The following STXBP5L variants were observed in gnomAD, a reference collection of about 807,000 sequenced individuals.
STXBP5L encodes syntaxin binding protein 5L.
Under a neutral mutation model 144.5 loss-of-function variants are expected in STXBP5L, and 65 were observed. The observed-to-expected ratio is 0.45, with a 90% confidence interval of 0.37 to 0.55. STXBP5L has a LOEUF of 0.55. Ranked by LOEUF, STXBP5L falls within the 20% of genes least tolerant of loss-of-function variation. STXBP5L has a pLI of 0.00. For missense variants in STXBP5L, 1,298 were observed against 1,405.5 expected (o/e 0.92, Z 1.22); for synonymous variants, 505 against 469.6 (o/e 1.08, Z -0.97).
chr3:121,299,866 A>C (rs1419704419), intron 19 of STXBP5L, among the ~76,000 whole-genome samples: 1 of 151,592 alleles, frequency 6.6e-6, no homozygotes, highest in Non-Finnish European at 1.5e-5. Context: ...CTGTGGTCCC[A>C]GCTACTTGCA....
At chr3:121,381,698 T>C (rs1021715574) in intron 22 of STXBP5L, among the ~76,000 whole-genome samples, 166 bp downstream of exon 22, 1 of 152,194 alleles carries the variant, frequency 6.6e-6, no homozygotes, top group Non-Finnish European at 1.5e-5. Flanking sequence ...ACATCTGTCA[T>C]GTTGTAACTT....
chr3:121,085,836 A>G (rs956403115), intron 5 of STXBP5L, among the ~76,000 whole-genome samples: 1 of 152,178 alleles, frequency 6.6e-6, no homozygotes, highest in African/African-American at 2.4e-5. Flanking sequence ...TAAAAATCAT[A>G]TAGAACCAAA....
At chr3:121,106,565 GA>G (rs1198654535) in intron 5 of STXBP5L, among the ~76,000 whole-genome samples, 1 of 152,118 alleles carries the variant, frequency 6.6e-6, no homozygotes, top group African/African-American at 2.4e-5. Context: ...TCCCTGCAAA[GA>G]TCATGATCTC....
chr3:120,979,114 GCTGT>G (rs1941446509), intron 3 of STXBP5L, among the ~76,000 whole-genome samples: 1 of 152,228 alleles, frequency 6.6e-6, no homozygotes, highest in African/African-American at 2.4e-5. Flanking sequence ...AGAGGTTACT[GCTGT>G]CTTTTTGTTT....
intron 20 of STXBP5L, among the ~76,000 whole-genome samples, chr3:121,338,646 G>A (rs1295606744): frequency 4.8e-5 from 7 of 145,308 alleles, no homozygotes; most frequent in Admixed American, 4.2e-4. Context: ...AAGAGAAAGA[G>A]AGAAAGAAAA....
Position 121,423,567 on chromosome 3 carries a change from T to C in STXBP5L, c.*4470T>C, listed in dbSNP as rs1376948660. ...ATGGATGCTTTGATTTACACATTTA[T>C]CTAGAGGAGTGATTCTCAACCTTGA... is the stretch of plus-strand genomic sequence containing the variant. On this transcript the variant is annotated 3_prime_UTR_variant, in exon 27 of 27. Coordinates refer to ENST00000471454, the MANE Select transcript of STXBP5L (RefSeq NM_001308330.2). 2 of 152,158 alleles carry C rather than the reference T, an allele frequency of 1.3e-5. No individual in the cohort carries two copies. Among genetic ancestry groups the C allele is most frequent in the East Asian group, 3.8e-4 (2 of 5,202 alleles). 9.4% of individuals were successfully genotyped at this position (152,158 alleles called of 1,614,324 possible).
At chr3:121,026,493 A>G (rs1055611509) in intron 3 of STXBP5L, among the ~76,000 whole-genome samples, 1 of 152,070 alleles carries the variant, frequency 6.6e-6, no homozygotes, top group Non-Finnish European at 1.5e-5. Flanking sequence ...TAGCAATATG[A>G]GAGCAAGGGC....
intron 8 of STXBP5L, 51 bp downstream of exon 8, chr3:121,152,611 G>A: frequency 7.4e-7 from 1 of 1,360,156 alleles, no homozygotes; most frequent in Non-Finnish European, 1.0e-6. Flanking sequence ...CGTTATGCCT[G>A]TTTACTACTT....
At chr3:121,084,560 G>A (rs2042398820) in intron 5 of STXBP5L, among the ~76,000 whole-genome samples, 1 of 152,156 alleles carries the variant, frequency 6.6e-6, no homozygotes, top group African/African-American at 2.4e-5. Flanking sequence ...TGGTTGCATA[G>A]TATTCCATGG....
At chr3:121,247,786 C>A (rs995610110) in intron 14 of STXBP5L, among the ~76,000 whole-genome samples, 1 of 152,190 alleles carries the variant, frequency 6.6e-6, no homozygotes, top group Non-Finnish European at 1.5e-5. Context: ...CATATGAGTG[C>A]ATGTGCCTTT....
At chr3:121,055,012 T>A (rs532260066) in intron 5 of STXBP5L, among the ~76,000 whole-genome samples, 2 of 152,172 alleles carry the variant, frequency 1.3e-5, no homozygotes, top group Non-Finnish European at 2.9e-5. Context: ...TTTCCAATAG[T>A]GATTTTATTA....
intron 22 of STXBP5L, among the ~76,000 whole-genome samples, chr3:121,404,272 A>C (rs905262739): frequency 1.3e-5 from 2 of 152,106 alleles, no homozygotes; most frequent in African/African-American, 4.8e-5. Context: ...CAATTTGTTA[A>C]CAAATCCTGC....
At chr3:121,351,761 G>T (rs2045290898) in intron 20 of STXBP5L, among the ~76,000 whole-genome samples, 2 of 152,084 alleles carry the variant, frequency 1.3e-5, no homozygotes, top group Admixed American at 6.6e-5. Flanking sequence ...TGAAGTCCTT[G>T]CCCATGTCCT....
intron 3 of STXBP5L, among the ~76,000 whole-genome samples, chr3:121,012,646 A>G (rs1944864802): frequency 6.6e-6 from 1 of 151,498 alleles, no homozygotes; most frequent in Admixed American, 6.6e-5. Flanking sequence ...ATGTCGATTT[A>G]AATATTTTGC....
chr3:121,125,556 G>A (rs2044669451), intron 7 of STXBP5L, among the ~76,000 whole-genome samples: 1 of 152,026 alleles, frequency 6.6e-6, no homozygotes, highest in Non-Finnish European at 1.5e-5. Context: ...CTGTGCATTG[G>A]TCTATCGAAT....
chr3:121,198,650 C>A (rs921425241), intron 9 of STXBP5L, among the ~76,000 whole-genome samples: 3 of 151,970 alleles, frequency 2.0e-5, no homozygotes, highest in African/African-American at 7.3e-5. Flanking sequence ...TCTTCTTGAG[C>A]TAATTTTTGT....
chr3:121,312,430 C>T (rs1479938449), intron 19 of STXBP5L, among the ~76,000 whole-genome samples: 11 of 22,334 alleles, frequency 4.9e-4, no homozygotes, highest in African/African-American at 1.2e-3. Context: ...TTGTTTTTGA[C>T]TTAAGGTATG....
At chr3:121,200,100 A>G (rs1247504269) in intron 9 of STXBP5L, among the ~76,000 whole-genome samples, 3 of 152,106 alleles carry the variant, frequency 2.0e-5, no homozygotes, top group Non-Finnish European at 2.9e-5. Context: ...TTGGCTGTGA[A>G]TCCATCCGTT....
chr3:121,352,851 G>A (rs142017756), intron 20 of STXBP5L, among the ~76,000 whole-genome samples: 2,938 of 152,138 alleles, frequency 0.019, 88 homozygotes, highest in African/African-American at 0.066. Context: ...TTTGAGATGC[G>A]TTCCATCAAT....
Sources: gnomAD v4.1 joint callset for allele counts (sites outside exome capture counted in the v4.1 genomes callset) on GRCh38, gnomAD v4.1.1 for gene constraint, MANE v1.5 for transcripts, NCBI Gene and HGNC (gene_info 2026-07-23, HGNC 2026-07-21) for gene names.